The following RNF4 variants were observed in gnomAD, a reference collection of about 807,000 sequenced individuals.
RNF4 encodes ring finger protein 4.
RNF4 carries 7 observed loss-of-function variants against 24.3 expected under a neutral mutation model. The observed-to-expected ratio is 0.29, with a 90% CI of 0.16 to 0.54. The LOEUF is 0.54. Ranked by LOEUF, RNF4 falls within the 20% of genes least tolerant of loss-of-function variation. The probability of loss-of-function intolerance (pLI) is 0.95; values close to 1 mark genes in which losing one functional copy is unlikely to be tolerated. For synonymous variants in RNF4, 83 were observed against 84.3 expected (o/e 0.98, Z 0.09); for missense variants, 209 against 248.5 (o/e 0.84, Z 1.07).
intron 1 of RNF4, chr4:2,469,544 C>T (rs764429335): frequency 6.6e-5 from 10 of 152,304 alleles, no homozygotes; most frequent in Non-Finnish European, 1.5e-4. Flanking sequence ...GAAACTGAGA[C>T]TCTGGGAGGG....
At chr4:2,511,002 C>T (rs1382970682) in intron 4 of RNF4, among the ~76,000 whole-genome samples, 1 of 152,216 alleles carries the variant, frequency 6.6e-6, no homozygotes, top group Admixed American at 6.5e-5. Flanking sequence ...CTGTTAGTTA[C>T]TTGTAACAAC....
intron 4 of RNF4, among the ~76,000 whole-genome samples, chr4:2,504,294 G>A (rs984501244): frequency 5.3e-5 from 8 of 152,048 alleles, no homozygotes; most frequent in Non-Finnish European, 1.2e-4. Flanking sequence ...GATTTTTACT[G>A]GATAAATGCC....
At chr4:2,494,580 A>C (rs1365213766) in intron 2 of RNF4, 2 of 151,574 alleles carry the variant, frequency 1.3e-5, no homozygotes, top group Admixed American at 6.6e-5. Flanking sequence ...TGGGGTTTCT[A>C]CGTGTTAGCC....
chr4:2,488,810 T>TAA (rs1735493636), intron 1 of RNF4, among the ~76,000 whole-genome samples: 1 of 97,986 alleles, frequency 1.0e-5, no homozygotes, highest in African/African-American at 3.1e-5. Context: ...TTTATTTTCA[T>TAA]TTTTTATTTA....
chr4:2,482,936 A>G (rs1319370909), intron 1 of RNF4, among the ~76,000 whole-genome samples: 1 of 152,176 alleles, frequency 6.6e-6, no homozygotes, highest in African/African-American at 2.4e-5. Flanking sequence ...ACATCCTGCC[A>G]AGTCTGTTCT....
chr4:2,491,852 G>A (rs1036001748), intron 2 of RNF4, among the ~76,000 whole-genome samples: 1 of 151,820 alleles, frequency 6.6e-6, no homozygotes, highest in African/African-American at 2.4e-5. Context: ...TTTCACCTCA[G>A]CATCCTGAGT....
chr4:2,504,378 T>C (rs1450174238), intron 4 of RNF4, among the ~76,000 whole-genome samples: 2 of 152,200 alleles, frequency 1.3e-5, no homozygotes, highest in Admixed American at 6.5e-5. Context: ...TGGCCACTTT[T>C]AATTTTAGCC....
chr4:2,483,024 T>C (rs557067173), intron 1 of RNF4, among the ~76,000 whole-genome samples: 62 of 152,358 alleles, frequency 4.1e-4, no homozygotes, highest in African/African-American at 1.4e-3. Flanking sequence ...GTTTTGCCTT[T>C]ATTTAATAGC....
intron 1 of RNF4, among the ~76,000 whole-genome samples, chr4:2,483,857 T>C (rs1187333984): frequency 6.6e-6 from 1 of 151,898 alleles, no homozygotes; most frequent in African/African-American, 2.4e-5. Flanking sequence ...ATTTTGAGAC[T>C]GAGTTTCACT....
intron 4 of RNF4, among the ~76,000 whole-genome samples, chr4:2,509,110 G>C (rs1045185254): frequency 6.7e-6 from 1 of 148,586 alleles, no homozygotes; most frequent in Admixed American, 6.8e-5. Flanking sequence ...GTAGAGACAG[G>C]GTTTCACCAT....
Position 2,512,529 on chromosome 4 carries a change from G to T in RNF4, c.306G>T (p.Arg102Ser). 1.9e-6 allele frequency: 3 copies of T among 1,613,890 alleles called. No individual in the cohort carries two copies. Among genetic ancestry groups the T allele is most frequent in the Non-Finnish European group, 2.5e-6 (3 of 1,179,826 alleles). Reference sequence around the variant, plus strand: ...GCAGTGACGATGAGGAGTTGTCCAGGGACAGAGACGTATATGTGACTACCC... The same window carrying T: ...GCAGTGACGATGAGGAGTTGTCCAGTGACAGAGACGTATATGTGACTACCC... ...VVSSDDEELS[R>S]DRDVYVTTHT... Residue 102 changes from arginine to serine, a missense_variant, in exon 6 of 8, where the codon AGG (arginine) becomes AGT (serine). Physicochemically the swap from Arg to Ser is moderately radical, Grantham distance 110. Coordinates refer to ENST00000314289, the MANE Select transcript of RNF4 (RefSeq NM_002938.5). The surrounding 1 kb of genome is among the most constrained non-coding windows in gnomAD (Gnocchi z 4.1).
At chr4:2,494,581 CG>C (rs1230050453) in intron 2 of RNF4, 1 of 151,716 alleles carries the variant, frequency 6.6e-6, no homozygotes, top group African/African-American at 2.4e-5. Context: ...GGGGTTTCTA[CG>C]TGTTAGCCAG....
Position 2,500,029 on chromosome 4 carries a change from G to T in RNF4, c.125-630G>T, listed in dbSNP as rs907976094. ...CAAAATTAGCCAGGCATGCTGCCAGGCGCCTGTAATCCCAACTACTCGGGA... is the reference window on the plus strand; with the variant it reads ...CAAAATTAGCCAGGCATGCTGCCAGTCGCCTGTAATCCCAACTACTCGGGA... On this transcript the variant is annotated intron_variant, in intron 3 of 7. Transcript: ENST00000314289. Among the ~76,000 whole-genome samples, 8 of 152,046 alleles carry T rather than the reference G, an allele frequency of 5.3e-5. No individual in the cohort carries two copies. The East Asian group carries it at 9.7e-4, about 18-fold the overall frequency.
intron 4 of RNF4, among the ~76,000 whole-genome samples, chr4:2,502,767 C>A (rs1218700659): frequency 1.3e-5 from 2 of 151,674 alleles, no homozygotes; most frequent in African/African-American, 4.8e-5. Context: ...TTACTTGAAC[C>A]CAGGAGGCGG....
At chr4:2,497,763 T>C (rs981782218) in intron 3 of RNF4, among the ~76,000 whole-genome samples, 1 of 152,146 alleles carries the variant, frequency 6.6e-6, no homozygotes, top group Non-Finnish European at 1.5e-5. Context: ...GCCTCCCAAG[T>C]AGCTGGGACT....
At chr4:2,488,764 C>G (rs1424649689) in intron 1 of RNF4, among the ~76,000 whole-genome samples, 30 of 152,106 alleles carry the variant, frequency 2.0e-4, no homozygotes, top group Admixed American at 2.0e-3. Flanking sequence ...ATGCCATGCC[C>G]CAAGGTCACA....
intron 2 of RNF4, among the ~76,000 whole-genome samples, chr4:2,494,319 G>T (rs184779584): frequency 4.6e-5 from 7 of 151,578 alleles, no homozygotes; most frequent in South Asian, 4.2e-4. Context: ...GTTTTTATTG[G>T]CTGGAACAGG....
At chr4:2,506,925 C>T (rs1478491493) in intron 4 of RNF4, among the ~76,000 whole-genome samples, 1 of 152,084 alleles carries the variant, frequency 6.6e-6, no homozygotes, top group Non-Finnish European at 1.5e-5. Context: ...TGGCTAGAAG[C>T]AATGCAGTGG....
chr4:2,508,309 A>G (rs1336215010), intron 4 of RNF4, among the ~76,000 whole-genome samples: 1 of 152,242 alleles, frequency 6.6e-6, no homozygotes, highest in African/African-American at 2.4e-5. Context: ...TTACACCTCT[A>G]TCCATCTCTC....
Sources: allele counts gnomAD v4.1 joint callset (sites outside exome capture counted in the v4.1 genomes callset), GRCh38; gene constraint gnomAD v4.1.1; non-coding constraint Gnocchi (gnomAD v3.1); transcripts MANE v1.5; gene names NCBI Gene and HGNC (gene_info 2026-07-23, HGNC 2026-07-21).